ERC1: variants seen among roughly 807,000 people sequenced by gnomAD.
ERC1 encodes the protein RAB6 interacting protein 2.
ERC1 carries 56 observed loss-of-function variants against 132.0 expected under a neutral mutation model. The observed-to-expected ratio is 0.42, with a 90% CI of 0.34 to 0.53. The LOEUF is 0.53. Ranked by LOEUF, ERC1 falls within the 20% of genes least tolerant of loss-of-function variation. ERC1 has a pLI of 0.03. For missense variants in ERC1, 1,202 were observed against 1,349.9 expected, an observed-to-expected ratio of 0.89 and a Z score of 1.72; for synonymous variants, 478 against 476.1, an observed-to-expected ratio of 1.00 and a Z score of -0.05.
chr12:1,008,029 A>ATT (rs1565770626), intron 1 of ERC1, among the ~76,000 whole-genome samples: 1 of 152,190 alleles, frequency 6.6e-6, no homozygotes, highest in East Asian at 1.9e-4. Context: ...GGAGAGTCAG[A>ATT]ATAACAGGTG....
intron 15 of ERC1, among the ~76,000 whole-genome samples, chr12:1,309,300 A>C (rs762617669): frequency 9.9e-5 from 15 of 152,206 alleles, no homozygotes; most frequent in Non-Finnish European, 2.1e-4. Context: ...ACACTGTCTG[A>C]CAGCACTGTG....
intron 7 of ERC1, among the ~76,000 whole-genome samples, chr12:1,135,158 G>A (rs183698254): frequency 6.6e-6 from 1 of 152,298 alleles, no homozygotes; most frequent in African/African-American, 2.4e-5. Context: ...CCCAAAGGGG[G>A]CTTGGGATTT....
chr12:1,325,054 T>G (rs550922434), intron 15 of ERC1, among the ~76,000 whole-genome samples: 31 of 151,968 alleles, frequency 2.0e-4, no homozygotes, highest in South Asian at 4.2e-4. Flanking sequence ...ATCAACTGTT[T>G]GTAGAAAAAA....
At chr12:1,021,713 A>G (rs1290906237) in intron 1 of ERC1, among the ~76,000 whole-genome samples, 2 of 151,894 alleles carry the variant, frequency 1.3e-5, no homozygotes, top group Non-Finnish European at 2.9e-5. Context: ...AAAAAAAAAA[A>G]AAGTGGTGGA....
chr12:1,057,186 A>G (rs956173442), intron 2 of ERC1, among the ~76,000 whole-genome samples: 1 of 151,894 alleles, frequency 6.6e-6, no homozygotes, highest in Non-Finnish European at 1.5e-5. Context: ...TGTCAGCGCG[A>G]TCTCTCGGCT....
At chr12:1,471,087 C>T (rs542922366) in intron 18 of ERC1, among the ~76,000 whole-genome samples, 24 of 152,220 alleles carry the variant, frequency 1.6e-4, no homozygotes, top group African/African-American at 5.5e-4. Flanking sequence ...CCGTGCTATT[C>T]AGCTCCCTTC....
intron 15 of ERC1, among the ~76,000 whole-genome samples, chr12:1,305,772 T>G (rs192134484): frequency 7.4e-4 from 112 of 152,328 alleles, no homozygotes; most frequent in Non-Finnish European, 1.3e-3. Flanking sequence ...TTTTGTCAAC[T>G]GTTATTTTTG....
intron 15 of ERC1, among the ~76,000 whole-genome samples, chr12:1,369,346 T>G (rs1164040042): frequency 2.0e-5 from 3 of 152,254 alleles, no homozygotes; most frequent in Non-Finnish European, 4.4e-5. Context: ...TGGAATTATT[T>G]TTACTATGTC....
intron 17 of ERC1, among the ~76,000 whole-genome samples, chr12:1,418,886 T>C (rs2092311107): frequency 6.6e-6 from 1 of 151,820 alleles, no homozygotes; most frequent in Non-Finnish European, 1.5e-5. Flanking sequence ...CTAAATTTTG[T>C]ATTTTTTGGT....
At chr12:1,141,949 G>T (rs1949899943) in intron 8 of ERC1, among the ~76,000 whole-genome samples, 162 bp downstream of exon 8, 1 of 152,208 alleles carries the variant, frequency 6.6e-6, no homozygotes, top group African/African-American at 2.4e-5. Context: ...AGATTGTTAA[G>T]ACTGCTCTAT....
At position 1,239,159 on chromosome 12, in the gene ERC1, G is replaced by A. The variant is rs546115094; in HGVS notation, c.2487+2255G>A. ...ACAGTCTTACTCTGTCACCTAGGCC[G>A]GAGTGCAGTTGTGTGATCCTCCTGT... On this transcript the variant is annotated intron_variant, in intron 13 of 18. Transcript: ENST00000360905. 3.3e-5 allele frequency among the ~76,000 whole-genome samples: 5 copies of A among 152,230 alleles called. No individual in the cohort carries two copies. In the South Asian group the frequency reaches 1.0e-3, roughly 32 times the overall value.
intron 17 of ERC1, among the ~76,000 whole-genome samples, chr12:1,408,538 TTAA>T (rs1565373626): frequency 6.6e-6 from 1 of 152,240 alleles, no homozygotes; most frequent in Non-Finnish European, 1.5e-5. Context: ...TATGTAATTT[TTAA>T]CTGTCTTTAC....
chr12:1,369,892 A>G (rs940351531), intron 15 of ERC1, among the ~76,000 whole-genome samples: 2 of 152,196 alleles, frequency 1.3e-5, no homozygotes, highest in Admixed American at 6.5e-5. Flanking sequence ...CACATCTTCT[A>G]TTTGTTAGTA....
At chr12:1,253,105 A>G (rs2076566671) in intron 13 of ERC1, among the ~76,000 whole-genome samples, 1 of 152,192 alleles carries the variant, frequency 6.6e-6, no homozygotes, top group African/African-American at 2.4e-5. Flanking sequence ...AATGACTTCC[A>G]TTACCGTGTC....
chr12:1,375,810 T>A (rs991679278), intron 16 of ERC1, among the ~76,000 whole-genome samples: 7 of 147,432 alleles, frequency 4.7e-5, no homozygotes, highest in African/African-American at 1.8e-4. Flanking sequence ...CGATCTCGGC[T>A]CACTGCAACC....
chr12:1,006,896 G>A (rs977725538), intron 1 of ERC1, among the ~76,000 whole-genome samples: 12 of 150,062 alleles, frequency 8.0e-5, no homozygotes, highest in South Asian at 2.1e-4. Context: ...TCTTTTTCTC[G>A]TTCCTCATTC....
rs184318179 is a variant in ERC1, at chr12:1,136,576, A to G, written c.1570-5044A>G. Among the ~76,000 whole-genome samples, 13 of 152,340 alleles carry G rather than the reference A, an allele frequency of 8.5e-5. No homozygotes were observed. In the East Asian group the frequency reaches 2.5e-3, roughly 29 times the overall value. Reference sequence around the variant, plus strand: ...CAGCCCAGTGTAACTTTTCCGATATACAAATACCATGACTTTCTCCTGCTT... The same window carrying G: ...CAGCCCAGTGTAACTTTTCCGATATGCAAATACCATGACTTTCTCCTGCTT... On this transcript the variant is annotated intron_variant, in intron 7 of 18. Transcript: ENST00000360905.
intron 17 of ERC1, among the ~76,000 whole-genome samples, chr12:1,418,607 C>CTT (rs1491208470): frequency 2.0e-5 from 2 of 98,854 alleles, no homozygotes; most frequent in Non-Finnish European, 3.8e-5. Context: ...TTCTTTCTTT[C>CTT]TTTCTTTCTT....
rs1217358116 is a variant in ERC1 at position 1,255,633 on chromosome 12, T to TG, written c.2488-7401_2488-7400insG. 6.2e-4 allele frequency among the ~76,000 whole-genome samples: 78 copies of TG among 126,008 alleles called. 1 individual carries two copies. The highest frequency in any genetic ancestry group is 2.4e-3 in the African/African-American group (74 of 30,958). The allele number at this position is 126,008 out of a possible 152,430, so 82.7% of individuals were successfully genotyped here. On this transcript the variant is annotated intron_variant, in intron 13 of 18. Transcript: ENST00000360905. ...GTTGCTTCCTGGCCTTTTTTTTTTT[T>TG]TTTTTTTTTTTTTTTTTGAGACGGA...
Sources: allele counts gnomAD v4.1 joint callset (sites outside exome capture counted in the v4.1 genomes callset), GRCh38; gene constraint gnomAD v4.1.1; transcripts MANE v1.5; gene names NCBI Gene and HGNC (gene_info 2026-07-23, HGNC 2026-07-21).